The following LIFR variants were observed in gnomAD, a reference collection of about 807,000 sequenced individuals.
LIFR encodes LIF receptor subunit alpha.
A neutral mutation model predicts 122.2 loss-of-function variants in LIFR; 84 were observed. The ratio of observed to expected loss-of-function variants is 0.69; its 90% CI spans 0.58 to 0.82. The LOEUF is 0.82. LIFR is among the 40% of genes least tolerant of loss of function. LIFR has a pLI of 0.00. For synonymous variants in LIFR, 422 were observed against 434.7 expected, an observed-to-expected ratio of 0.97 and a Z score of 0.36; for missense variants, 1,294 against 1,311.6, an observed-to-expected ratio of 0.99 and a Z score of 0.21.
chr5:38,526,665 T>G (rs1165069437), intron 4 of LIFR, among the ~76,000 whole-genome samples: 1 of 152,150 alleles, frequency 6.6e-6, no homozygotes, highest in East Asian at 1.9e-4. Context: ...CTCACCTAAT[T>G]TGCTTTTCAA....
chr5:38,604,328 G>T (rs571306596), intron 2 of LIFR, among the ~76,000 whole-genome samples: 116 of 152,192 alleles, frequency 7.6e-4, no homozygotes, highest in Non-Finnish European at 1.5e-3. Context: ...CTCTGACTTG[G>T]ATATCCAGCA....
intron 1 of LIFR, among the ~76,000 whole-genome samples, chr5:38,582,973 T>C (rs1749636773): frequency 6.6e-6 from 1 of 152,242 alleles, no homozygotes; most frequent in Non-Finnish European, 1.5e-5. Context: ...TAACTTTTTA[T>C]CATTGTGTTT....
In LIFR at chr5:38,482,656, G is replaced by A. The variant is rs753041700; in HGVS notation, c.2603C>T (p.Thr868Ile). Residue 868 changes from threonine to isoleucine, a missense_variant, in exon 19 of 20, where the codon ACC becomes ATC. Transcript: ENST00000453190. ...TGGATTTGGAATATCAGGGTAGAAG[G>A]TTTCTTTAATCCTTTAAATAAAAAA... ...CYRKREWIKETFYPDIPNPEN... is the reference protein window; with the variant it reads ...CYRKREWIKEIFYPDIPNPEN... 4 of 1,418,804 alleles carry A rather than the reference G, an allele frequency of 2.8e-6. No individual in the cohort carries two copies. Among genetic ancestry groups the A allele is most frequent in the Non-Finnish European group, 3.9e-6 (4 of 1,035,266 alleles). The allele number at this position is 1,418,804 out of a possible 1,614,324, so 87.9% of individuals were successfully genotyped here.
At chr5:38,576,210 T>C (rs16903998) in intron 1 of LIFR, among the ~76,000 whole-genome samples, 6,805 of 152,216 alleles carry the variant, frequency 0.045, 506 homozygotes, top group African/African-American at 0.16. Context: ...TCTAAGTCAC[T>C]ATCATCTCTT....
intron 1 of LIFR, among the ~76,000 whole-genome samples, chr5:38,537,831 T>A (rs1747373205): frequency 6.6e-6 from 1 of 152,158 alleles, no homozygotes; most frequent in Admixed American, 6.5e-5. Context: ...CCTTAATGAT[T>A]GCTAAGAAAA....
chr5:38,496,952 G>A (rs1181527483), intron 12 of LIFR, among the ~76,000 whole-genome samples: 1 of 152,066 alleles, frequency 6.6e-6, no homozygotes, highest in Non-Finnish European at 1.5e-5. Flanking sequence ...ACTCCAGTCT[G>A]AGCAACAGAG....
chr5:38,529,186 C>A (rs896340318), intron 2 of LIFR, among the ~76,000 whole-genome samples: 4 of 151,958 alleles, frequency 2.6e-5, no homozygotes, highest in Non-Finnish European at 4.4e-5. Flanking sequence ...AGTGGCTAGT[C>A]ATGTAGATTC....
intron 12 of LIFR, among the ~76,000 whole-genome samples, chr5:38,499,183 G>GA (rs555634250): frequency 1.3e-5 from 2 of 151,972 alleles, no homozygotes; most frequent in East Asian, 1.9e-4. Context: ...CCTATTAATA[G>GA]AAAAAAATAT....
intron 1 of LIFR, among the ~76,000 whole-genome samples, chr5:38,567,695 A>G (rs894535071): frequency 2.9e-4 from 44 of 151,658 alleles, no homozygotes; most frequent in African/African-American, 1.1e-3. Context: ...TGCCCAGCTA[A>G]TTTTTGTATT....
chr5:38,492,376 T>C (rs1744641243), intron 14 of LIFR, among the ~76,000 whole-genome samples: 1 of 152,074 alleles, frequency 6.6e-6, no homozygotes, highest in Non-Finnish European at 1.5e-5. Flanking sequence ...CTCCAGCCTA[T>C]CCCAGTCCAT....
chr5:38,549,540 C>T (rs1320256467), intron 1 of LIFR, among the ~76,000 whole-genome samples: 1 of 152,154 alleles, frequency 6.6e-6, no homozygotes, highest in East Asian at 1.9e-4. Context: ...CGCCTGTAAT[C>T]CCAGCACTTT....
rs1284221040 is a variant in LIFR at position 38,478,456 on chromosome 5, T to A, written c.*3139A>T. 1 of 213,632 alleles carries A rather than the reference T, an allele frequency of 4.7e-6. No homozygotes were observed. 13.2% of individuals were successfully genotyped at this position (213,632 alleles called of 1,614,324 possible). On this transcript the variant is annotated 3_prime_UTR_variant, in exon 20 of 20. Coordinates refer to ENST00000453190, the MANE Select transcript of LIFR (RefSeq NM_001127671.2). ...TAAACACACAACTCAACTATCCAGA[T>A]ACTCAGGGCCACAATCTCAAATCTA... is the stretch of plus-strand genomic sequence containing the variant.
At chr5:38,553,256 T>C (rs1432286544) in intron 1 of LIFR, among the ~76,000 whole-genome samples, 1 of 151,976 alleles carries the variant, frequency 6.6e-6, no homozygotes, top group Non-Finnish European at 1.5e-5. Flanking sequence ...AACTCTCAGC[T>C]CAGACCCCTC....
At chr5:38,560,184 C>T (rs7726978), upstream of LIFR, among the ~76,000 whole-genome samples, 424 of 150,652 alleles carry the variant, frequency 2.8e-3, 2 homozygotes, top group African/African-American at 9.6e-3. Flanking sequence ...AAAAAAAAAA[C>T]ATTCTACAAA....
rs570507014 is a variant in LIFR, at chr5:38,593,526, G to A, written c.-20+1735C>T. Reference sequence around the variant, plus strand: ...GGTGTAGAATATTCTCATCATTGCAGAAAATGCTTTCAGACAGGGCTGACA... The same window carrying A: ...GGTGTAGAATATTCTCATCATTGCAAAAAATGCTTTCAGACAGGGCTGACA... On this transcript the variant is annotated intron_variant, in intron 1 of 19. Transcript: ENST00000263409. 5.3e-5 allele frequency among the ~76,000 whole-genome samples: 8 copies of A among 152,252 alleles called. No individual in the cohort carries two copies. The East Asian group carries it at 1.4e-3, about 26-fold the overall frequency.
chr5:38,550,365 A>C, intron 1 of LIFR: 1 of 314,390 alleles, frequency 3.2e-6, no homozygotes, highest in Non-Finnish European at 4.6e-6. Flanking sequence ...TCAAATACAA[A>C]ATATAAAACT....
intron 1 of LIFR, among the ~76,000 whole-genome samples, chr5:38,553,632 A>C (rs1748331269): frequency 1.6e-5 from 1 of 63,946 alleles, no homozygotes; most frequent in Admixed American, 1.5e-4. Context: ...CTATATATAT[A>C]TATATATATA....
chr5:38,579,972 A>T (rs1749528754), intron 1 of LIFR, among the ~76,000 whole-genome samples: 1 of 152,212 alleles, frequency 6.6e-6, no homozygotes, highest in South Asian at 2.1e-4. Context: ...TGTTCCCAAA[A>T]GGATTTTAAT....
chr5:38,579,264 C>T (rs1749499198), intron 1 of LIFR: 1 of 152,172 alleles, frequency 6.6e-6, no homozygotes, highest in East Asian at 1.9e-4. Context: ...AGAAGAAACA[C>T]ACCTTACCCA....
Sources: gnomAD v4.1 joint callset for allele counts (sites outside exome capture counted in the v4.1 genomes callset) on GRCh38, gnomAD v4.1.1 for gene constraint, MANE v1.5 for transcripts, NCBI Gene and HGNC (gene_info 2026-07-23, HGNC 2026-07-21) for gene names.